The following KLHL13 variants were observed in gnomAD, a reference collection of about 807,000 sequenced individuals.
The protein encoded by KLHL13 is kelch-like protein 13.
In KLHL13, 10 loss-of-function variants were observed where a neutral mutation model predicts 37.1. That is an observed-to-expected ratio of 0.27 (90% confidence interval 0.17 to 0.46). The LOEUF (loss-of-function observed/expected upper bound fraction) is 0.46. Among genes scored for constraint, KLHL13 ranks in the 20% least tolerant of loss-of-function variants. KLHL13 has a pLI of 1.00. For synonymous variants in KLHL13, 163 were observed against 181.2 expected (o/e 0.90, Z 0.81); for missense variants, 360 against 509.3 (o/e 0.71, Z 2.82).
intron 4 of KLHL13, among the ~76,000 whole-genome samples, chrX:117,916,027 G>A (rs973789154): frequency 2.6e-4 from 29 of 111,606 alleles, no homozygotes; most frequent in African/African-American, 9.4e-4. Flanking sequence ...GCACAGTGGT[G>A]CATGCCTGTA....
At chrX:118,069,147 A>ACACACACACACACACACC (rs1382307402) in intron 1 of KLHL13, among the ~76,000 whole-genome samples, 3 of 105,556 alleles carry the variant, frequency 2.8e-5, no homozygotes, top group African/African-American at 1.1e-4. Context: ...ACACACACAC[A>ACACACACACACACACACC]CCCTCACCTG....
chrX:118,098,132 G>A (rs1335548928), intron 1 of KLHL13, among the ~76,000 whole-genome samples: 2 of 111,822 alleles, frequency 1.8e-5, no homozygotes, highest in African/African-American at 6.5e-5. Context: ...TACCATCAGA[G>A]TGAACAGGCA....
At chrX:117,955,773 T>G (rs1473762605) in intron 1 of KLHL13, among the ~76,000 whole-genome samples, 1 of 111,561 alleles carries the variant, frequency 9.0e-6, no homozygotes, top group Non-Finnish European at 1.9e-5. Flanking sequence ...ATTAAGGGTT[T>G]TTTTCCACAA....
chrX:118,004,804 G>T (rs765548996), intron 1 of KLHL13, among the ~76,000 whole-genome samples: 1 of 111,660 alleles, frequency 9.0e-6, no homozygotes, highest in East Asian at 2.8e-4. Context: ...AAGTTGTATG[G>T]GACAAATCAA....
chrX:118,099,121 T>C (rs1006605155), intron 1 of KLHL13, among the ~76,000 whole-genome samples: 1 of 102,968 alleles, frequency 9.7e-6, no homozygotes, highest in African/African-American at 4.0e-5. Context: ...ATAATAAAAT[T>C]TAAAAAAATT....
intron 2 of KLHL13, among the ~76,000 whole-genome samples, chrX:117,928,638 C>T (rs1329833158): frequency 1.8e-5 from 2 of 111,531 alleles, no homozygotes; most frequent in Admixed American, 9.5e-5. Flanking sequence ...AACTCGTAAG[C>T]ATTTTGAACT....
chrX:118,098,387 A>C lies in KLHL13; in HGVS notation c.-56+18121T>G, dbSNP rs761527481. Reference sequence around the variant, plus strand: ...AAACCACAATGAGATACCAACTCACACCAGTTAGAATGGCAATCATTAAAA... The same window carrying C: ...AAACCACAATGAGATACCAACTCACCCCAGTTAGAATGGCAATCATTAAAA... On this transcript the variant is annotated intron_variant, in intron 1 of 6. Coordinates refer to the KLHL13 transcript ENST00000371882. Among the ~76,000 whole-genome samples the C allele has an allele frequency of 2.7e-5, 3 of 111,561 alleles. No individual in the cohort carries two copies. The East Asian group carries it at 8.4e-4, about 31-fold the overall frequency.
chrX:117,910,676 C>A (rs1015903655), intron 4 of KLHL13, among the ~76,000 whole-genome samples: 6 of 111,142 alleles, frequency 5.4e-5, no homozygotes, highest in African/African-American at 2.0e-4. Context: ...GATAATTATC[C>A]CTAGGGCAAA....
intron 1 of KLHL13, among the ~76,000 whole-genome samples, chrX:118,033,657 C>G (rs552519171): frequency 1.5e-4 from 16 of 108,927 alleles, no homozygotes; most frequent in African/African-American, 5.0e-4. Flanking sequence ...TAAAGACCAT[C>G]GAGACTAGGA....
chrX:118,019,836 T>C (rs1390964919), intron 1 of KLHL13, among the ~76,000 whole-genome samples: 1 of 102,520 alleles, frequency 9.8e-6, no homozygotes, highest in Non-Finnish European at 2.0e-5. Context: ...GGCTCTGTTC[T>C]GTTCCATTGA....
intron 1 of KLHL13, among the ~76,000 whole-genome samples, chrX:118,012,530 C>T (rs1363600095): frequency 9.1e-6 from 1 of 109,970 alleles, no homozygotes; most frequent in African/African-American, 3.3e-5. Context: ...TTATAAGGAT[C>T]CTTGTGATTG....
rs55736320 is a variant in KLHL13, at chrX:118,045,371, C to CA, written c.-56+71136dup. Among the ~76,000 whole-genome samples, 555 of 72,550 alleles carry CA rather than the reference C, an allele frequency of 7.6e-3. 14 individuals are homozygous for CA. Among genetic ancestry groups the CA allele is most frequent in the African/African-American group, 0.026 (526 of 20,324 alleles). 63.0% of individuals were successfully genotyped at this position (72,550 alleles called of 115,157 possible). ...CCTAGGCGACAGAGCAAGACTCCATCAAAAAAAAAAAAAAAAAGAAAGAAA... is the reference window on the plus strand; with the variant it reads ...CCTAGGCGACAGAGCAAGACTCCATCAAAAAAAAAAAAAAAAAAGAAAGAAA... On this transcript the variant is annotated intron_variant, in intron 1 of 6. Coordinates refer to the KLHL13 transcript ENST00000371882.
rs2054421617 is a variant in KLHL13 at position 118,035,236 on chromosome X, A to T, written c.-56+81272T>A. ...AAAAAGAGGGAATCCTCCCTAACTCATTTTATGAGGCCAGCATCATTATGA... is the reference window on the plus strand; with the variant it reads ...AAAAAGAGGGAATCCTCCCTAACTCTTTTTATGAGGCCAGCATCATTATGA... On this transcript the variant is annotated intron_variant, in intron 1 of 6. Coordinates refer to the KLHL13 transcript ENST00000371882. Among the ~76,000 whole-genome samples, 2 of 102,869 alleles carry T rather than the reference A, an allele frequency of 1.9e-5. 1 individual carries two copies. Among genetic ancestry groups the T allele is most frequent in the Middle Eastern group, 9.5e-3 (2 of 210 alleles). The allele number at this position is 102,869 out of a possible 115,157, so 89.3% of individuals were successfully genotyped here.
At chrX:118,090,839 A>T (rs375487268) in intron 1 of KLHL13, among the ~76,000 whole-genome samples, 6 of 109,371 alleles carry the variant, frequency 5.5e-5, no homozygotes, top group Non-Finnish European at 9.5e-5. Context: ...GTATGTTTAT[A>T]GCGGCACTAT....
chrX:117,973,631 T>G, exon 1 of KLHL13: 1 of 874,619 alleles, frequency 1.1e-6, no homozygotes, highest in Non-Finnish European at 1.4e-6. Context: ...CCTATTCTTA[T>G]TTCCAAGCTG....
At chrX:118,061,660 T>C (rs1299337998) in intron 1 of KLHL13, among the ~76,000 whole-genome samples, 1 of 111,639 alleles carries the variant, frequency 9.0e-6, no homozygotes, top group Non-Finnish European at 1.9e-5. Flanking sequence ...TTTAGTATAA[T>C]AGTGCAGTTA....
At chrX:117,963,272 T>C (rs181325531) in intron 1 of KLHL13, among the ~76,000 whole-genome samples, 143 of 111,603 alleles carry the variant, frequency 1.3e-3, no homozygotes, top group Non-Finnish European at 2.1e-3. Context: ...AAAAATATTT[T>C]AGTATAATTG....
intron 1 of KLHL13, among the ~76,000 whole-genome samples, chrX:117,972,225 C>G (rs2147900990): frequency 8.9e-6 from 1 of 111,870 alleles, no homozygotes; most frequent in East Asian, 2.8e-4. Context: ...GATGTACTAT[C>G]AAACATATTA....
At chrX:117,946,662 G>A (rs1933333803) in intron 1 of KLHL13, 1 of 112,063 alleles carries the variant, frequency 8.9e-6, no homozygotes, top group Non-Finnish European at 1.9e-5. Context: ...AAAAAAGAAG[G>A]AGAGCAGATT....
Sources: allele counts gnomAD v4.1 joint callset (sites outside exome capture counted in the v4.1 genomes callset), GRCh38; gene constraint gnomAD v4.1.1; transcripts MANE v1.5; gene names NCBI Gene and HGNC (gene_info 2026-07-23, HGNC 2026-07-21).